The following SPOCK1 variants were observed in gnomAD, a reference collection of about 807,000 sequenced individuals.
SPOCK1 encodes the protein testican-1.
Under a neutral mutation model 55.3 loss-of-function variants are expected in SPOCK1, and 23 were observed. That is an observed-to-expected ratio of 0.42 (90% CI 0.30 to 0.59). The LOEUF (loss-of-function observed/expected upper bound fraction) is 0.59, where lower values mean the gene tolerates loss of function less well. SPOCK1 is among the 20% of genes least tolerant of loss of function. The pLI is 0.22. For synonymous variants in SPOCK1, 226 were observed against 221.0 expected (o/e 1.02, Z -0.20); for missense variants, 499 against 552.5 (o/e 0.90, Z 0.97).
At chr5:137,456,623 T>G (rs1461648507) in intron 2 of SPOCK1, among the ~76,000 whole-genome samples, 2 of 152,166 alleles carry the variant, frequency 1.3e-5, no homozygotes, top group African/African-American at 4.8e-5. Flanking sequence ...GTCACAATTA[T>G]CACCACTGGG....
Position 137,160,647 on chromosome 5 carries a change from T to TTATATAA in SPOCK1, c.233-19960_233-19954dup, listed in dbSNP as rs1330388793. Among the ~76,000 whole-genome samples, 25 of 82,596 alleles carry TTATATAA rather than the reference T, an allele frequency of 3.0e-4. 1 individual carries two copies. Among genetic ancestry groups the TTATATAA allele is most frequent in the Middle Eastern group, 5.2e-3 (1 of 192 alleles). The allele number at this position is 82,596 out of a possible 152,430, so 54.2% of individuals were successfully genotyped here. On this transcript the variant is annotated intron_variant, in intron 3 of 10. Coordinates refer to ENST00000394945, the MANE Select transcript of SPOCK1 (RefSeq NM_004598.4). ...TTTTATATAATATATAATATATATTTTATATAATATACAATATATAATATA... is the reference window on the plus strand; with the variant it reads ...TTTTATATAATATATAATATATATTTTATATAATATATAATATACAATATATAATATA...
Position 137,334,623 on chromosome 5 carries a change from G to A in SPOCK1, c.187-67568C>T, listed in dbSNP as rs557234333. On this transcript the variant is annotated intron_variant, in intron 2 of 10. Transcript: ENST00000394945. ...ACCTTCATGGTAAAAATCAATAGCTGTAACACAGTCTTCGGTTCAGAATGA... is the reference window on the plus strand; with the variant it reads ...ACCTTCATGGTAAAAATCAATAGCTATAACACAGTCTTCGGTTCAGAATGA... Among the ~76,000 whole-genome samples, 9 of 152,290 alleles carry A rather than the reference G, an allele frequency of 5.9e-5. 1 individual carries two copies. In the South Asian group the frequency reaches 1.9e-3, roughly 32 times the overall value.
intron 6 of SPOCK1, among the ~76,000 whole-genome samples, chr5:137,007,879 G>T (rs1268755594): frequency 6.6e-6 from 1 of 151,938 alleles, no homozygotes; most frequent in Non-Finnish European, 1.5e-5. Context: ...GCAAAGACTT[G>T]GAACCAACCC....
intron 6 of SPOCK1, among the ~76,000 whole-genome samples, chr5:137,059,637 G>A (rs899042480): frequency 6.6e-6 from 1 of 152,170 alleles, no homozygotes; most frequent in Non-Finnish European, 1.5e-5. Context: ...CATAGCAAAA[G>A]AGAGTAAATA....
chr5:136,994,860 C>T (rs1751012308), intron 6 of SPOCK1, among the ~76,000 whole-genome samples: 2 of 151,898 alleles, frequency 1.3e-5, no homozygotes, highest in Non-Finnish European at 2.9e-5. Context: ...ACAAAATTAG[C>T]CAGTCATGGT....
At chr5:136,979,582 A>T in intron 9 of SPOCK1, 113 bp from the exon 10 acceptor site, 4 of 1,360,952 alleles carry the variant, frequency 2.9e-6, no homozygotes, top group South Asian at 1.4e-5. Context: ...CTGCAGGGTC[A>T]GCAGCAGAGG....
chr5:137,063,869 A>G (rs1280765249), intron 6 of SPOCK1, among the ~76,000 whole-genome samples: 1 of 152,356 alleles, frequency 6.6e-6, no homozygotes, highest in East Asian at 1.9e-4. Flanking sequence ...AACCTAATGC[A>G]TATCTTGGTC....
chr5:137,184,815 C>T (rs1755035771), intron 3 of SPOCK1, among the ~76,000 whole-genome samples: 1 of 152,146 alleles, frequency 6.6e-6, no homozygotes, highest in Non-Finnish European at 1.5e-5. Flanking sequence ...CCTCCTGACC[C>T]TTGCTCTCAA....
At chr5:137,285,420 C>T (rs1393464092) in intron 2 of SPOCK1, among the ~76,000 whole-genome samples, 1 of 152,194 alleles carries the variant, frequency 6.6e-6, no homozygotes, top group Non-Finnish European at 1.5e-5. Context: ...ATAAATTTCC[C>T]TCACTGTAAT....
intron 7 of SPOCK1, among the ~76,000 whole-genome samples, chr5:136,990,354 G>A (rs533342333): frequency 2.1e-4 from 32 of 151,276 alleles, no homozygotes; most frequent in Admixed American, 2.1e-3. Context: ...TCAAACTATA[G>A]GCTCCCTGAG....
At chr5:137,028,327 A>G (rs1306133030) in intron 6 of SPOCK1, among the ~76,000 whole-genome samples, 1 of 152,216 alleles carries the variant, frequency 6.6e-6, no homozygotes, top group East Asian at 1.9e-4. Flanking sequence ...AATTCATAGG[A>G]CTACCACTTG....
chr5:137,182,943 C>T (rs531221435), intron 3 of SPOCK1, among the ~76,000 whole-genome samples: 1 of 152,186 alleles, frequency 6.6e-6, no homozygotes, highest in Admixed American at 6.5e-5. Context: ...AGAGCCACAC[C>T]CACAATTTGA....
chr5:137,470,129 C>T (rs1185746884), intron 2 of SPOCK1, among the ~76,000 whole-genome samples: 1 of 152,148 alleles, frequency 6.6e-6, no homozygotes, highest in Non-Finnish European at 1.5e-5. Context: ...GTTTGTGGCA[C>T]TCACCTGGGC....
intron 5 of SPOCK1, among the ~76,000 whole-genome samples, chr5:137,087,356 A>G (rs1015325789): frequency 2.6e-5 from 4 of 152,208 alleles, no homozygotes; most frequent in African/African-American, 9.7e-5. Context: ...GCGCTTCAAC[A>G]TCTTGCTCTA....
intron 3 of SPOCK1, among the ~76,000 whole-genome samples, chr5:137,217,053 T>G (rs1755730155): frequency 6.6e-6 from 1 of 152,042 alleles, no homozygotes; most frequent in Admixed American, 6.6e-5. Context: ...GAGCTCAGAC[T>G]TGACACTGGG....
chr5:137,273,484 A>G (rs1219737601), intron 2 of SPOCK1: 1 of 638,738 alleles, frequency 1.6e-6, no homozygotes, highest in Non-Finnish European at 1.9e-6. Flanking sequence ...AAATTTTCAA[A>G]TTATCATAAC....
rs1027627163 is a variant in SPOCK1 at position 137,067,647 on chromosome 5, C to T, written c.589+68G>A. ...TGTTCCTAGTGCCTGGGACAGAGCT[C>T]GGCCACATCAACCCTCTGTGACCCC... On this transcript the variant is annotated intron_variant, in intron 6 of 10. Coordinates refer to ENST00000394945, the MANE Select transcript of SPOCK1 (RefSeq NM_004598.4). The T allele has an allele frequency of 7.4e-6, 10 of 1,354,420 alleles. No homozygotes were observed. The East Asian group carries it at 9.2e-5, about 12-fold the overall frequency. The allele number at this position is 1,354,420 out of a possible 1,614,324, so 83.9% of individuals were successfully genotyped here. A position where few individuals can be genotyped will look rare whatever the true frequency, so the allele number is the denominator to read the frequency against.
At chr5:137,392,290 C>T (rs547544975) in intron 2 of SPOCK1, among the ~76,000 whole-genome samples, 28 of 152,270 alleles carry the variant, frequency 1.8e-4, no homozygotes, top group African/African-American at 6.5e-4. Context: ...GACATCCAAC[C>T]GCCCAATGCA....
chr5:137,399,211 G>A (rs753599812), intron 2 of SPOCK1, among the ~76,000 whole-genome samples: 25 of 152,278 alleles, frequency 1.6e-4, no homozygotes, highest in African/African-American at 5.3e-4. Context: ...GGGACATTAA[G>A]GAAACCTAGT....
Sources: allele counts gnomAD v4.1 joint callset (sites outside exome capture counted in the v4.1 genomes callset), GRCh38; gene constraint gnomAD v4.1.1; transcripts MANE v1.5; gene names NCBI Gene and HGNC (gene_info 2026-07-23, HGNC 2026-07-21).